The following ITSN2 variants were observed in gnomAD, a reference collection of about 807,000 sequenced individuals.
ITSN2 encodes intersectin-2.
ITSN2 carries 156 observed loss-of-function variants against 243.7 expected under a neutral mutation model. That is an observed-to-expected ratio of 0.64 (90% CI 0.56 to 0.73). The LOEUF (loss-of-function observed/expected upper bound fraction) is 0.73, where lower values mean the gene tolerates loss of function less well. Ranked by LOEUF, ITSN2 falls within the 30% of genes least tolerant of loss-of-function variation. ITSN2 has a pLI of 0.00. For synonymous variants in ITSN2, 703 were observed against 699.9 expected, an observed-to-expected ratio of 1.00 and a Z score of -0.07; for missense variants, 1,801 against 1,996.1, an observed-to-expected ratio of 0.90 and a Z score of 1.86.
At chr2:24,361,082 C>T (rs1688959980), upstream of ITSN2, among the ~76,000 whole-genome samples, 1 of 152,180 alleles carries the variant, frequency 6.6e-6, no homozygotes, top group South Asian at 2.1e-4. Flanking sequence ...TAACCATACC[C>T]TCGGTCATCC....
At position 24,302,229 on chromosome 2, in the gene ITSN2, A is replaced by C. The variant is rs573422962; in HGVS notation, c.858-127T>G. The C allele has an allele frequency of 8.2e-5, 38 of 465,378 alleles. No homozygotes were observed. In the Admixed American group the frequency reaches 1.7e-3, roughly 20 times the overall value. 28.8% of individuals were successfully genotyped at this position (465,378 alleles called of 1,614,324 possible). Reference sequence around the variant, plus strand: ...TATTTATTTATTTGAGATGGAGTCTAGCTCTGTCGCTCAACCTGGAGTGCA... The same window carrying C: ...TATTTATTTATTTGAGATGGAGTCTCGCTCTGTCGCTCAACCTGGAGTGCA... On this transcript the variant is annotated intron_variant, in intron 9 of 39. Transcript: ENST00000355123.
Position 24,243,755 on chromosome 2 carries a change from T to G in ITSN2, c.3577+2374A>C, listed in dbSNP as rs540350110. Among the ~76,000 whole-genome samples, 4 of 152,324 alleles carry G rather than the reference T, an allele frequency of 2.6e-5. No homozygotes were observed. The East Asian group carries it at 7.7e-4, about 29-fold the overall frequency. ...ACTGTGCCCAGCCCTGCTATTTCCA[T>G]GTTTTATTTCAGGGAGGGCTTGCAT... On this transcript the variant is annotated intron_variant, in intron 29 of 39. Transcript: ENST00000355123.
At chr2:24,219,922 A>C (rs1398516077) in intron 30 of ITSN2, among the ~76,000 whole-genome samples, 1 of 152,230 alleles carries the variant, frequency 6.6e-6, no homozygotes, top group African/African-American at 2.4e-5. Flanking sequence ...AGGCCGACCA[A>C]GGGCCAGGCT....
intron 17 of ITSN2, 123 bp downstream of exon 17, chr2:24,284,640 G>T: frequency 3.2e-6 from 2 of 626,396 alleles, no homozygotes; most frequent in Non-Finnish European, 5.8e-6. Flanking sequence ...GAAAGAAAAA[G>T]GCTTATATTG....
In ITSN2 at chr2:24,204,117, A is replaced by G; in HGVS notation, c.4936+128T>C. 1.1e-6 allele frequency: 1 copy of G among 917,532 alleles called. No individual in the cohort carries two copies. The highest frequency in any genetic ancestry group is 1.7e-6 in the Non-Finnish European group (1 of 595,564). The allele number at this position is 917,532 out of a possible 1,614,324, so 56.8% of individuals were successfully genotyped here. Reference sequence around the variant, plus strand: ...GCCACCCACCTGCTGCCAAAGCGAGATGACACAGGCCTGTGTCACTTCCCT... The same window carrying G: ...GCCACCCACCTGCTGCCAAAGCGAGGTGACACAGGCCTGTGTCACTTCCCT... On this transcript the variant is annotated intron_variant, in intron 39 of 39. Coordinates refer to ENST00000355123, the MANE Select transcript of ITSN2 (RefSeq NM_006277.3). The surrounding 1 kb of genome is among the most constrained non-coding windows in gnomAD (Gnocchi z 5.1).
At chr2:24,207,304 A>G (rs1668996585) in intron 37 of ITSN2, among the ~76,000 whole-genome samples, 2 of 151,876 alleles carry the variant, frequency 1.3e-5, no homozygotes, top group Admixed American at 1.3e-4. Context: ...GGAGGACTGC[A>G]GTGCAGCTGA....
In ITSN2 at chr2:24,204,725, A is replaced by G. The variant is rs1427997529; in HGVS notation, c.4763-307T>C. The G allele has an allele frequency of 1.8e-6, 1 of 544,116 alleles. No individual in the cohort carries two copies. The highest frequency in any genetic ancestry group is 3.5e-6 in the Non-Finnish European group (1 of 284,390). 33.7% of individuals were successfully genotyped at this position (544,116 alleles called of 1,614,324 possible). Reference sequence around the variant, plus strand: ...CTTCCTCGGCGCAGACACACTCGGGAAGGCGGGCACTGGCACTTACTGGGA... The same window carrying G: ...CTTCCTCGGCGCAGACACACTCGGGGAGGCGGGCACTGGCACTTACTGGGA... On this transcript the variant is annotated intron_variant, in intron 38 of 39. Coordinates refer to ENST00000355123, the MANE Select transcript of ITSN2 (RefSeq NM_006277.3). This position sits in a 1 kb window ranked among gnomAD's most constrained non-coding sequence, Gnocchi z 5.1.
Position 24,212,645 on chromosome 2 carries a change from C to G in ITSN2, c.4089+5G>C, listed in dbSNP as rs1264551858. 1 of 1,602,762 alleles carries G rather than the reference C, an allele frequency of 6.2e-7. No individual in the cohort carries two copies. The highest frequency in any genetic ancestry group is 1.1e-5 in the South Asian group (1 of 89,524). On this transcript the variant is annotated splice_donor_5th_base_variant and intron_variant, in intron 33 of 39. Transcript: ENST00000355123. Reference sequence around the variant, plus strand: ...CAGACCCCACTGCCCGGCCTGCACACTCACACTTCTGATGAGCAGTGGGTA... The same window carrying G: ...CAGACCCCACTGCCCGGCCTGCACAGTCACACTTCTGATGAGCAGTGGGTA...
In ITSN2 at chr2:24,246,297, C is replaced by T. The variant is rs1212192983; in HGVS notation, c.3409G>A (p.Asp1137Asn). Residue 1137 changes from aspartate to asparagine, a missense_variant, in exon 29 of 40, where the codon GAC (aspartate) becomes AAC (asparagine). Around this residue, in one of 5 missense-constraint regions of ITSN2, gnomAD observed 928 missense variants for 1,065.4 expected, o/e 0.87. Transcript: ENST00000355123. ...HPVCQVIAMYDYAANNEDELS... is the reference protein window; with the variant it reads ...HPVCQVIAMYNYAANNEDELS... ...TCATCTTCATTATTTGCTGCATAGTCATACATAGCAATCACCTGACATACT... is the reference window on the plus strand; with the variant it reads ...TCATCTTCATTATTTGCTGCATAGTTATACATAGCAATCACCTGACATACT... The T allele has an allele frequency of 2.5e-6, 4 of 1,607,800 alleles. No individual in the cohort carries two copies. The highest frequency in any genetic ancestry group is 1.3e-5 in the African/African-American group (1 of 74,816).
intron 29 of ITSN2, 44 bp downstream of exon 29, chr2:24,246,085 A>G (rs1673326761): frequency 7.6e-7 from 1 of 1,312,122 alleles, no homozygotes; most frequent in East Asian, 2.3e-5. Flanking sequence ...CTGTATATTG[A>G]AGTTTCACAC....
chr2:24,360,919 G>A (rs1294604700), upstream of ITSN2, among the ~76,000 whole-genome samples: 1 of 152,232 alleles, frequency 6.6e-6, no homozygotes, highest in Admixed American at 6.5e-5. Context: ...GGTTCTCCCT[G>A]GAACCTTCTC....
At chr2:24,361,343 T>C (rs1172338955), upstream of ITSN2, among the ~76,000 whole-genome samples, 1 of 152,156 alleles carries the variant, frequency 6.6e-6, no homozygotes, top group Non-Finnish European at 1.5e-5. Context: ...GCCGCCACCG[T>C]ATCCCAAAAC....
intron 1 of ITSN2, among the ~76,000 whole-genome samples, chr2:24,332,702 G>C (rs771889544): frequency 6.6e-6 from 1 of 152,012 alleles, no homozygotes; most frequent in Non-Finnish European, 1.5e-5. Context: ...CCCCACTGTG[G>C]AATAATTACC....
chr2:24,241,487 G>A (rs1672724613), intron 29 of ITSN2: 1 of 152,514 alleles, frequency 6.6e-6, no homozygotes, highest in African/African-American at 2.4e-5. Flanking sequence ...TGGAACAAAT[G>A]AAACACTGCA....
At chr2:24,279,451 G>GT (rs1442869273) in intron 17 of ITSN2, among the ~76,000 whole-genome samples, 2 of 152,098 alleles carry the variant, frequency 1.3e-5, no homozygotes, top group African/African-American at 4.8e-5. Context: ...AAGTAATTTT[G>GT]TTTTTTCACA....
chr2:24,225,579 T>A lies in ITSN2; in HGVS notation c.3578-4513A>T, dbSNP rs1670949721. On this transcript the variant is annotated intron_variant, in intron 29 of 39. Coordinates refer to ENST00000355123, the MANE Select transcript of ITSN2 (RefSeq NM_006277.3). This position sits in a 1 kb window ranked among gnomAD's most constrained non-coding sequence, Gnocchi z 4.2. Reference sequence around the variant, plus strand: ...CCTTGAGCCTCTCCTCTTCTTGGTGTTTCCTTCTGTCTTCTGCCTCTTGCC... The same window carrying A: ...CCTTGAGCCTCTCCTCTTCTTGGTGATTCCTTCTGTCTTCTGCCTCTTGCC... Among the ~76,000 whole-genome samples the A allele has an allele frequency of 6.6e-6, 1 of 152,182 alleles. No homozygotes were observed. The highest frequency in any genetic ancestry group is 1.5e-5 in the Non-Finnish European group (1 of 68,036).
intron 18 of ITSN2, among the ~76,000 whole-genome samples, chr2:24,274,872 T>G (rs72855416): frequency 0.015 from 2,322 of 152,292 alleles, 32 homozygotes; most frequent in Middle Eastern, 0.041. Context: ...GTTAACTAAT[T>G]ATACTACTTT....
rs1452652320 is a variant in ITSN2 at position 24,258,085 on chromosome 2, C to T, written c.2691G>A (p.Val897=). 3 of 1,613,432 alleles carry T rather than the reference C, an allele frequency of 1.9e-6. No homozygotes were observed. Among genetic ancestry groups the T allele is most frequent in the Non-Finnish European group, 1.7e-6 (2 of 1,179,568 alleles). ...SVSPIHGQGQ[V]VENLKAQALC... is the part of the protein sequence containing the mutation. ...GGGCCTGTGCTTTTAAGTTTTCTAC[C>T]ACTTGTCCCTATGAATACAAAACCA... Residue 897 remains valine, a synonymous_variant, in exon 23 of 40, where the codon GTG becomes GTA. Coordinates refer to ENST00000355123, the MANE Select transcript of ITSN2 (RefSeq NM_006277.3).
chr2:24,259,997 T>C (rs1195639886), intron 22 of ITSN2, among the ~76,000 whole-genome samples: 1 of 152,128 alleles, frequency 6.6e-6, no homozygotes, highest in African/African-American at 2.4e-5. Context: ...TCATAATTAA[T>C]TGTGCCTCAA....
Sources: gnomAD v4.1 joint callset for allele counts (sites outside exome capture counted in the v4.1 genomes callset) on GRCh38, gnomAD v4.1.1 for gene constraint, gnomAD v4.1.1 regional missense constraint, Gnocchi (gnomAD v3.1) non-coding constraint, MANE v1.5 for transcripts, NCBI Gene and HGNC (gene_info 2026-07-23, HGNC 2026-07-21) for gene names.